The following RAP1GAP2 variants were observed in gnomAD, a reference collection of about 807,000 sequenced individuals.
RAP1GAP2 encodes rap1 GTPase-activating protein 2.
In RAP1GAP2, 27 loss-of-function variants were observed where a neutral mutation model predicts 95.0. The ratio of observed to expected loss-of-function variants is 0.28; its 90% CI spans 0.21 to 0.39. RAP1GAP2 has a LOEUF of 0.39. Among genes scored for constraint, RAP1GAP2 ranks in the 10% least tolerant of loss-of-function variants. The probability of loss-of-function intolerance (pLI) is 1.00; values close to 1 mark genes in which losing one functional copy is unlikely to be tolerated. For synonymous variants in RAP1GAP2, 373 were observed against 380.9 expected, an observed-to-expected ratio of 0.98 and a Z score of 0.24; for missense variants, 771 against 970.0, an observed-to-expected ratio of 0.79 and a Z score of 2.72.
chr17:3,003,361 C>A lies in RAP1GAP2; in HGVS notation c.1201-2008C>A, dbSNP rs1022973835. 7.9e-5 allele frequency among the ~76,000 whole-genome samples: 12 copies of A among 152,036 alleles called. No individual in the cohort carries two copies. Among genetic ancestry groups the A allele is most frequent in the African/African-American group, 2.9e-4 (12 of 41,312 alleles). ...TCCAGCTCAGCCATCACCAGGACTA[C>A]CCCTTTCCCTCCCCCCTATCCCTGC... is the stretch of plus-strand genomic sequence containing the variant. On this transcript the variant is annotated intron_variant, in intron 14 of 24. Coordinates refer to ENST00000254695, the MANE Select transcript of RAP1GAP2 (RefSeq NM_015085.5). The surrounding 1 kb of genome is among the most constrained non-coding windows in gnomAD (Gnocchi z 4.1).
intron 3 of RAP1GAP2, among the ~76,000 whole-genome samples, chr17:2,926,536 G>T (rs1461443672): frequency 6.6e-6 from 1 of 152,186 alleles, no homozygotes; most frequent in Admixed American, 6.5e-5. Flanking sequence ...GAGTGTCACA[G>T]TTCCTCCCTC....
At chr17:2,776,823 CGG>C (rs2068511920), upstream of RAP1GAP2, among the ~76,000 whole-genome samples, 7 of 144,116 alleles carry the variant, frequency 4.9e-5, no homozygotes, top group African/African-American at 1.8e-4. Flanking sequence ...CCCGCCGCCC[CGG>C]AGGAGGAGGA....
At chr17:2,872,193 G>A (rs13313574) in intron 2 of RAP1GAP2, among the ~76,000 whole-genome samples, 1,510 of 122,136 alleles carry the variant, frequency 0.012, 13 homozygotes, top group African/African-American at 0.028. Flanking sequence ...CAGCTTGGAT[G>A]ACAGAATGAG....
In RAP1GAP2 at chr17:2,840,442, C is replaced by T. The variant is rs149271480; in HGVS notation, c.80+39892C>T. On this transcript the variant is annotated intron_variant, in intron 2 of 24. Coordinates refer to ENST00000254695, the MANE Select transcript of RAP1GAP2 (RefSeq NM_015085.5). ...CCTCCCAAAGTGTTGGGATTACAGG[C>T]GTGAGCCACAGTGCCCGGCTGTTAT... is the stretch of plus-strand genomic sequence containing the variant. Among the ~76,000 whole-genome samples, 1,075 of 152,240 alleles carry T rather than the reference C, an allele frequency of 7.1e-3. 16 individuals are homozygous for T. The highest frequency in any genetic ancestry group is 0.025 in the African/African-American group (1,026 of 41,554).
intron 2 of RAP1GAP2, among the ~76,000 whole-genome samples, chr17:2,771,486 G>GTTTTTTTTTTTTTTT (rs566884358): frequency 3.2e-5 from 4 of 123,480 alleles, no homozygotes; most frequent in African/African-American, 6.6e-5. Flanking sequence ...CCACTTTTTT[G>GTTTTTTTTTTTTTTT]TTTTTTTTTT....
chr17:3,001,204 T>G (rs1290885112), intron 14 of RAP1GAP2, among the ~76,000 whole-genome samples: 1 of 36,514 alleles, frequency 2.7e-5, no homozygotes, highest in Non-Finnish European at 4.6e-5. Flanking sequence ...AGTATCAGCC[T>G]CAGGGCCTTC....
At chr17:2,909,118 G>A (rs944992949) in intron 3 of RAP1GAP2, among the ~76,000 whole-genome samples, 2 of 152,148 alleles carry the variant, frequency 1.3e-5, no homozygotes, top group African/African-American at 4.8e-5. Flanking sequence ...GGAAGCTTTG[G>A]GATGAGTGAG....
intron 2 of RAP1GAP2, among the ~76,000 whole-genome samples, chr17:2,824,457 A>G (rs1470550200): frequency 6.8e-6 from 1 of 147,298 alleles, no homozygotes; most frequent in Non-Finnish European, 1.5e-5. Flanking sequence ...AAAAAAAAAA[A>G]AAAGTCCGGG....
At chr17:2,772,702 G>A (rs2068419214), upstream of RAP1GAP2, among the ~76,000 whole-genome samples, 2 of 152,074 alleles carry the variant, frequency 1.3e-5, no homozygotes, top group Admixed American at 1.3e-4. Flanking sequence ...TGTTGTCCTT[G>A]TTTTTCAGAT....
chr17:2,755,771 A>C (rs1330783317), intron 1 of RAP1GAP2: 2 of 355,254 alleles, frequency 5.6e-6, no homozygotes, highest in Admixed American at 9.5e-5. Context: ...TGCGCTGGTG[A>C]GTGGGCGCCG....
At chr17:2,881,762 T>A (rs1176713538) in intron 2 of RAP1GAP2, among the ~76,000 whole-genome samples, 1 of 152,240 alleles carries the variant, frequency 6.6e-6, no homozygotes, top group Non-Finnish European at 1.5e-5. Flanking sequence ...GTTATCTGTT[T>A]TTTTGCTTTT....
chr17:2,923,337 C>CTT (rs1202208099), intron 3 of RAP1GAP2, among the ~76,000 whole-genome samples: 2 of 130,708 alleles, frequency 1.5e-5, no homozygotes, highest in Non-Finnish European at 3.3e-5. Context: ...CGCGCCCGGC[C>CTT]TTTTTTTTTT....
rs557811880 is a variant in RAP1GAP2, at chr17:2,893,630, C to T, written c.81-11654C>T. ...CTGATAGCCCACACCTTGTGACTCC[C>T]GGCTTTTGTGAGTGGTTTCTGAAGC... On this transcript the variant is annotated intron_variant, in intron 2 of 24. Transcript: ENST00000254695. Among the ~76,000 whole-genome samples the T allele has an allele frequency of 3.9e-5, 6 of 152,348 alleles. No homozygotes were observed. The South Asian group carries it at 6.2e-4, about 16-fold the overall frequency.
At chr17:2,790,022 G>T (rs899687935) in intron 1 of RAP1GAP2, among the ~76,000 whole-genome samples, 2 of 152,050 alleles carry the variant, frequency 1.3e-5, no homozygotes, top group African/African-American at 2.4e-5. Flanking sequence ...TGACCCTGAG[G>T]CGTGAATTCT....
chr17:2,994,995 G>A (rs1025361852), intron 12 of RAP1GAP2, among the ~76,000 whole-genome samples: 2 of 152,158 alleles, frequency 1.3e-5, no homozygotes, highest in Admixed American at 6.5e-5. Flanking sequence ...TGTATTTTTA[G>A]TAGAGACGGG....
chr17:2,886,618 C>T (rs1051638811), intron 2 of RAP1GAP2, among the ~76,000 whole-genome samples: 4 of 152,224 alleles, frequency 2.6e-5, no homozygotes, highest in Non-Finnish European at 4.4e-5. Context: ...ATAACTTTCT[C>T]TTAGAAAAAC....
intron 2 of RAP1GAP2, among the ~76,000 whole-genome samples, chr17:2,828,542 A>G (rs2070688800): frequency 6.6e-6 from 1 of 151,994 alleles, no homozygotes; most frequent in African/African-American, 2.4e-5. Context: ...AAGATGAGGA[A>G]GGAGGCCCCT....
upstream of RAP1GAP2, among the ~76,000 whole-genome samples, chr17:2,772,325 C>T (rs923143109): frequency 2.0e-5 from 3 of 152,138 alleles, no homozygotes; most frequent in Non-Finnish European, 4.4e-5. Context: ...GGGTCTCACT[C>T]TGTCACACGG....
intron 3 of RAP1GAP2, among the ~76,000 whole-genome samples, chr17:2,935,501 C>G (rs1171021035): frequency 6.6e-6 from 1 of 152,116 alleles, no homozygotes; most frequent in Non-Finnish European, 1.5e-5. Flanking sequence ...GAGTGAAACT[C>G]TGTCACACAC....
Sources: gnomAD v4.1 joint callset for allele counts (sites outside exome capture counted in the v4.1 genomes callset) on GRCh38, gnomAD v4.1.1 for gene constraint, Gnocchi (gnomAD v3.1) non-coding constraint, MANE v1.5 for transcripts, NCBI Gene and HGNC (gene_info 2026-07-23, HGNC 2026-07-21) for gene names.